The following PCDHA9 variants were observed in gnomAD, a reference collection of about 807,000 sequenced individuals.
PCDHA9 encodes protocadherin alpha 9.
A neutral mutation model predicts 62.0 loss-of-function variants in PCDHA9; 62 were observed. The observed-to-expected ratio is 1.00, with a 90% CI of 0.81 to 1.23. The LOEUF is 1.23. Ranked by LOEUF, PCDHA9 falls within the 50% of genes most tolerant of loss-of-function variation. PCDHA9 has a pLI of 0.00. For missense variants in PCDHA9, 1,205 were observed against 1,249.8 expected, an observed-to-expected ratio of 0.96 and a Z score of 0.54; for synonymous variants, 557 against 567.6, an observed-to-expected ratio of 0.98 and a Z score of 0.27.
At chr5:140,853,925 T>C in intron 1 of PCDHA9, 3 of 909,732 alleles carry the variant, frequency 3.3e-6, no homozygotes, top group Non-Finnish European at 4.0e-6. Context: ...TCCCAACATT[T>C]TGGGAGGCCA....
chr5:140,964,930 G>A (rs1480159584), intron 1 of PCDHA9, among the ~76,000 whole-genome samples: 12 of 152,306 alleles, frequency 7.9e-5, no homozygotes, highest in Middle Eastern at 3.4e-3. Flanking sequence ...CTAGGTAGTG[G>A]AGCATTGATA....
At chr5:140,986,102 C>T (rs782067384) in intron 3 of PCDHA9, among the ~76,000 whole-genome samples, 14 of 152,102 alleles carry the variant, frequency 9.2e-5, no homozygotes, top group Non-Finnish European at 1.5e-5. Flanking sequence ...CTGCAAAAGC[C>T]TAAGATAAAG....
At chr5:140,871,729 G>T in intron 1 of PCDHA9, 2 of 714,516 alleles carry the variant, frequency 2.8e-6, no homozygotes, top group South Asian at 2.4e-5. Context: ...TTAATATTTG[G>T]TTAGCAAATC....
intron 1 of PCDHA9, among the ~76,000 whole-genome samples, chr5:140,950,045 A>G (rs1293026782): frequency 1.3e-5 from 2 of 151,934 alleles, no homozygotes; most frequent in Non-Finnish European, 2.9e-5. Context: ...ACAACCATAT[A>G]AGACTATTTA....
At position 140,927,971 on chromosome 5, in the gene PCDHA9, C is replaced by T. The variant is rs868922082; in HGVS notation, c.2395-50978C>T. On this transcript the variant is annotated intron_variant, in intron 1 of 3. Transcript: ENST00000532602. ...GACGCTGCCCCTGGCACAGTGATTGCTCTCTTTAGTGTAAAGGATGAAGAC... is the reference window on the plus strand; with the variant it reads ...GACGCTGCCCCTGGCACAGTGATTGTTCTCTTTAGTGTAAAGGATGAAGAC... 5.0e-6 allele frequency: 8 copies of T among 1,614,224 alleles called. No homozygotes were observed. In the African/African-American group the frequency reaches 9.3e-5, roughly 19 times the overall value.
chr5:140,977,442 T>C (rs746141638), intron 1 of PCDHA9, among the ~76,000 whole-genome samples: 1 of 152,186 alleles, frequency 6.6e-6, no homozygotes. Flanking sequence ...TAGTAGATAA[T>C]GGAAACTCCT....
chr5:140,978,057 T>C (rs527562348), intron 1 of PCDHA9, among the ~76,000 whole-genome samples: 1 of 152,304 alleles, frequency 6.6e-6, no homozygotes, highest in South Asian at 2.1e-4. Context: ...ACTGATGATG[T>C]CCCAGTGATT....
intron 1 of PCDHA9, chr5:140,869,855 T>C: frequency 6.2e-7 from 1 of 1,610,578 alleles, no homozygotes; most frequent in Non-Finnish European, 8.5e-7. Context: ...AAGGTGAGCC[T>C]TATGGAAAAT....
At position 140,966,347 on chromosome 5, in the gene PCDHA9, G is replaced by A. The variant is rs189506336; in HGVS notation, c.2395-12602G>A. 6.3e-5 allele frequency: 25 copies of A among 397,502 alleles called. No homozygotes were observed. The East Asian group carries it at 8.6e-4, about 14-fold the overall frequency. The allele number at this position is 397,502 out of a possible 1,614,324, so 24.6% of individuals were successfully genotyped here. A position where few individuals can be genotyped will look rare whatever the true frequency, so the allele number is the denominator to read the frequency against. On this transcript the variant is annotated intron_variant, in intron 1 of 3. Transcript: ENST00000532602. ...GGGATCCGGCAGGTCCAGGGTGAAG[G>A]AGATGGGGCTGGAGAGGCTGAGCAG... is the stretch of plus-strand genomic sequence containing the variant.
chr5:140,912,794 C>T (rs1554195532), intron 1 of PCDHA9, among the ~76,000 whole-genome samples: 1 of 151,998 alleles, frequency 6.6e-6, no homozygotes, highest in South Asian at 2.1e-4. Context: ...TGCCAATTTT[C>T]TTGAGGGTTT....
chr5:140,951,144 T>C (rs1052192456), intron 1 of PCDHA9, among the ~76,000 whole-genome samples: 3 of 100,560 alleles, frequency 3.0e-5, no homozygotes, highest in Non-Finnish European at 6.0e-5. Context: ...CTTTATCTTA[T>C]TGAATATAGT....
At chr5:140,969,317 G>C in intron 1 of PCDHA9, 1 of 1,614,156 alleles carries the variant, frequency 6.2e-7, no homozygotes, top group African/African-American at 1.3e-5. Context: ...AAATGAGGCT[G>C]TTTCTCAAAA....
At chr5:141,006,637 T>C (rs782585273) in intron 3 of PCDHA9, among the ~76,000 whole-genome samples, 8 of 152,118 alleles carry the variant, frequency 5.3e-5, no homozygotes, top group Non-Finnish European at 1.2e-4. Flanking sequence ...GCAATTCATA[T>C]AAGAGATGAT....
chr5:140,907,864 G>A (rs1033952784), intron 1 of PCDHA9, among the ~76,000 whole-genome samples: 3 of 152,202 alleles, frequency 2.0e-5, no homozygotes, highest in African/African-American at 7.2e-5. Context: ...GAGGCCAGCC[G>A]TTGGTGAGCA....
At chr5:140,967,214 C>T (rs2096114688) in intron 1 of PCDHA9, 10 of 1,613,692 alleles carry the variant, frequency 6.2e-6, no homozygotes, top group Non-Finnish European at 8.5e-6. Context: ...GCGTTTCCCG[C>T]GGCCCAACTA....
chr5:140,900,309 C>T (rs1183008231), intron 1 of PCDHA9, among the ~76,000 whole-genome samples: 1 of 151,686 alleles, frequency 6.6e-6, no homozygotes, highest in Non-Finnish European at 1.5e-5. Context: ...GACAGTCTCA[C>T]TTTTGTCGCC....
At chr5:140,873,861 A>AT (rs1198117759) in intron 1 of PCDHA9, among the ~76,000 whole-genome samples, 1 of 152,162 alleles carries the variant, frequency 6.6e-6, no homozygotes, top group Non-Finnish European at 1.5e-5. Context: ...GGTTTTCACC[A>AT]TGTTGGCCAG....
At chr5:141,000,417 A>ATTTTT (rs1563652061) in intron 3 of PCDHA9, among the ~76,000 whole-genome samples, 3 of 77,750 alleles carry the variant, frequency 3.9e-5, no homozygotes, top group Non-Finnish European at 7.0e-5. Flanking sequence ...ATATATATAT[A>ATTTTT]TATATTTTTT....
chr5:140,927,637 G>A lies in PCDHA9; in HGVS notation c.2395-51312G>A, dbSNP rs1554204838. Reference sequence around the variant, plus strand: ...CAAGGTTCCAGAGACTGCACCCAATGGGACTGTGTTATTCCGAGTTCAAGC... The same window carrying A: ...CAAGGTTCCAGAGACTGCACCCAATAGGACTGTGTTATTCCGAGTTCAAGC... On this transcript the variant is annotated intron_variant, in intron 1 of 3. Coordinates refer to ENST00000532602, the MANE Select transcript of PCDHA9 (RefSeq NM_031857.2). 3.7e-6 allele frequency: 6 copies of A among 1,614,176 alleles called. 1 individual carries two copies. In the Middle Eastern group the frequency reaches 9.9e-4, roughly 266 times the overall value.
Sources: gnomAD v4.1 joint callset for allele counts (sites outside exome capture counted in the v4.1 genomes callset) on GRCh38, gnomAD v4.1.1 for gene constraint, MANE v1.5 for transcripts, NCBI Gene and HGNC (gene_info 2026-07-23, HGNC 2026-07-21) for gene names.